Variants in MARCHF6 observed in about 807,000 individuals in gnomAD.
The protein encoded by MARCHF6 is E3 ubiquitin-protein ligase MARCHF6.
Under a neutral mutation model 133.7 loss-of-function variants are expected in MARCHF6, and 31 were observed. The observed-to-expected ratio is 0.23, with a 90% CI of 0.17 to 0.31. MARCHF6 has a LOEUF of 0.31. Ranked by LOEUF, MARCHF6 falls within the 10% of genes least tolerant of loss-of-function variation. MARCHF6 has a pLI of 1.00. For synonymous variants in MARCHF6, 395 were observed against 402.5 expected, an observed-to-expected ratio of 0.98 and a Z score of 0.22; for missense variants, 723 against 1,121.6, an observed-to-expected ratio of 0.64 and a Z score of 5.08.
At chr5:10,423,948 T>A in intron 23 of MARCHF6, 124 bp downstream of exon 23, 1 of 536,452 alleles carries the variant, frequency 1.9e-6, no homozygotes, top group Non-Finnish European at 3.1e-6. Flanking sequence ...TTGATGGGCA[T>A]ATATAACCTT....
Position 10,415,553 on chromosome 5 carries a change from G to A in MARCHF6, c.2032G>A (p.Ala678Thr). The change falls in exon 21 of 26, where the codon GCT becomes ACT. Residue 678 changes from alanine to threonine, a missense_variant. Coordinates refer to ENST00000274140, the MANE Select transcript of MARCHF6 (RefSeq NM_005885.4). ...GTAKIHELYT[A>T]ACGLYVCWLT... Reference sequence around the variant, plus strand: ...TGCCAAAATCCATGAGCTCTACACAGCTGCTTGTGGTCTCTATGTTTGCTG... The same window carrying A: ...TGCCAAAATCCATGAGCTCTACACAACTGCTTGTGGTCTCTATGTTTGCTG... 1.2e-6 allele frequency: 2 copies of A among 1,614,166 alleles called. No homozygotes were observed. Among genetic ancestry groups the A allele is most frequent in the Non-Finnish European group, 1.7e-6 (2 of 1,180,022 alleles).
intron 3 of MARCHF6, among the ~76,000 whole-genome samples, chr5:10,379,107 C>T (rs1736971035): frequency 6.6e-6 from 1 of 151,780 alleles, no homozygotes; most frequent in African/African-American, 2.4e-5. Flanking sequence ...TAATTGTAGA[C>T]AGGTTCGAAC....
At chr5:10,417,236 C>G in intron 21 of MARCHF6, 34 bp from the exon 22 acceptor site, 1 of 1,588,718 alleles carries the variant, frequency 6.3e-7, no homozygotes, top group Non-Finnish European at 8.5e-7. Flanking sequence ...CAGAAAGATC[C>G]TCTTTAATGA....
chr5:10,417,364 G>A lies in MARCHF6; in HGVS notation c.2243G>A (p.Arg748Lys). ...LFELVIVAPL[R>K]VPLDQTPLFY... The stretch of plus-strand genomic sequence containing the variant: ...GAGCTGGTCATTGTGGCTCCCCTGA[G>A]GGTTCCCTTGGATCAGACTCCTCTT... Residue 748 changes from arginine (R) to lysine (K), a missense_variant, in exon 22 of 26, where the codon AGG (arginine) becomes AAG (lysine). Transcript: ENST00000274140. 1.2e-6 allele frequency: 2 copies of A among 1,614,112 alleles called. No homozygotes were observed. The highest frequency in any genetic ancestry group is 1.1e-5 in the South Asian group (1 of 91,070).
chr5:10,414,383 C>T, intron 19 of MARCHF6, 50 bp from the exon 20 acceptor site: 1 of 994,058 alleles, frequency 1.0e-6, no homozygotes, highest in Non-Finnish European at 1.6e-6. Flanking sequence ...TGATAAAATA[C>T]ATTGAGCACG....
intron 1 of MARCHF6, among the ~76,000 whole-genome samples, chr5:10,367,989 G>C (rs1736234691): frequency 6.6e-6 from 1 of 152,160 alleles, no homozygotes; most frequent in Non-Finnish European, 1.5e-5. Flanking sequence ...ACTTTGGCCT[G>C]AGCAAGATTC....
chr5:10,371,171 C>A (rs1736440281), intron 1 of MARCHF6, among the ~76,000 whole-genome samples: 1 of 152,146 alleles, frequency 6.6e-6, no homozygotes, highest in Non-Finnish European at 1.5e-5. Flanking sequence ...TTCAGTGATA[C>A]CCTAGATCTC....
intron 24 of MARCHF6, 93 bp downstream of exon 24, chr5:10,426,615 A>G (rs1294436373): frequency 4.6e-6 from 6 of 1,317,566 alleles, no homozygotes; most frequent in Admixed American, 2.3e-5. Context: ...CTCACTCCAT[A>G]TGCTTTATTT....
chr5:10,355,282 T>C (rs946823985), intron 1 of MARCHF6, among the ~76,000 whole-genome samples: 3 of 152,270 alleles, frequency 2.0e-5, no homozygotes, highest in African/African-American at 4.8e-5. Context: ...TATTTCTTTT[T>C]GACAGGTGGT....
At position 10,387,535 on chromosome 5, in the gene MARCHF6, T is replaced by G. The variant is rs532435872; in HGVS notation, c.407+469T>G. ...TCACTCTGGTCTCGAACTCCTGACCTCAGGTGATCCACCCGCTTCGGGCTC... is the reference window on the plus strand; with the variant it reads ...TCACTCTGGTCTCGAACTCCTGACCGCAGGTGATCCACCCGCTTCGGGCTC... On this transcript the variant is annotated intron_variant, in intron 5 of 25. Transcript: ENST00000274140. 1.3e-3 allele frequency among the ~76,000 whole-genome samples: 196 copies of G among 152,272 alleles called. 1 individual carries two copies. Among genetic ancestry groups the G allele is most frequent in the African/African-American group, 4.5e-3 (186 of 41,542 alleles).
At position 10,437,589 on chromosome 5, in the gene MARCHF6, G is replaced by A. The variant is rs1180090156; in HGVS notation, c.*3905G>A. 6.6e-6 allele frequency: 1 copy of A among 152,128 alleles called. No homozygotes were observed. The highest frequency in any genetic ancestry group is 2.4e-5 in the African/African-American group (1 of 41,416). The allele number at this position is 152,128 out of a possible 1,614,324, so 9.4% of individuals were successfully genotyped here. ...GTATGTTTTCATTCCTGTTTTGTAC[G>A]AGTGCCTCATTTTGTAGTCATGAAA... On this transcript the variant is annotated 3_prime_UTR_variant, in exon 26 of 26. Coordinates refer to ENST00000274140, the MANE Select transcript of MARCHF6 (RefSeq NM_005885.4).
At chr5:10,390,649 T>G in intron 6 of MARCHF6, 149 bp downstream of exon 6, 1 of 777,600 alleles carries the variant, frequency 1.3e-6, no homozygotes, top group South Asian at 2.1e-5. Context: ...TGGGTGAAGA[T>G]GAAGAGAGAT....
At chr5:10,383,080 A>G (rs1737255470) in intron 4 of MARCHF6, among the ~76,000 whole-genome samples, 1 of 152,204 alleles carries the variant, frequency 6.6e-6, no homozygotes, top group Admixed American at 6.5e-5. Flanking sequence ...TATAATTGAT[A>G]TCTTCATGTC....
Position 10,439,828 on chromosome 5 carries a change from A to AT in MARCHF6, c.*6145dup. The AT allele has an allele frequency of 6.6e-6, 1 of 152,520 alleles. No individual in the cohort carries two copies. Among genetic ancestry groups the AT allele is most frequent in the Non-Finnish European group, 1.5e-5 (1 of 68,172 alleles). The allele number at this position is 152,520 out of a possible 1,614,324, so 9.4% of individuals were successfully genotyped here. Reference sequence around the variant, plus strand: ...CCCCTTTTCTCCCTTCTCTGACCCCATCACCTCTGTGTTCACCCTGCTCCT... The same window carrying AT: ...CCCCTTTTCTCCCTTCTCTGACCCCATTCACCTCTGTGTTCACCCTGCTCCT... On this transcript the variant is annotated 3_prime_UTR_variant, in exon 26 of 26. Transcript: ENST00000274140.
At chr5:10,427,597 C>T (rs1037010358) in intron 24 of MARCHF6, among the ~76,000 whole-genome samples, 5 of 152,094 alleles carry the variant, frequency 3.3e-5, no homozygotes, top group African/African-American at 9.7e-5. Context: ...GAAATGACCC[C>T]GTCCTCCCTT....
chr5:10,361,785 C>T (rs1455975951), intron 1 of MARCHF6, among the ~76,000 whole-genome samples: 1 of 150,728 alleles, frequency 6.6e-6, no homozygotes, highest in Non-Finnish European at 1.5e-5. Context: ...TTTTTTGAGA[C>T]GGAGTTTAGC....
intron 1 of MARCHF6, among the ~76,000 whole-genome samples, chr5:10,356,913 G>T (rs1160152075): frequency 6.6e-6 from 1 of 152,110 alleles, no homozygotes; most frequent in African/African-American, 2.4e-5. Context: ...CTAATTGTTT[G>T]CTAGATTTTA....
At chr5:10,354,302 G>T (rs971242257) in intron 1 of MARCHF6, among the ~76,000 whole-genome samples, 13 of 152,252 alleles carry the variant, frequency 8.5e-5, no homozygotes, top group South Asian at 4.1e-4. Context: ...CTTTCTTTAC[G>T]TCCTTCTGCC....
chr5:10,424,113 A>G (rs186961543), intron 23 of MARCHF6, among the ~76,000 whole-genome samples: 9 of 152,336 alleles, frequency 5.9e-5, no homozygotes, highest in Admixed American at 3.9e-4. Context: ...TCATATATAC[A>G]TGGAGATACC....
Sources: allele counts gnomAD v4.1 joint callset (sites outside exome capture counted in the v4.1 genomes callset), GRCh38; gene constraint gnomAD v4.1.1; transcripts MANE v1.5; gene names NCBI Gene and HGNC (gene_info 2026-07-23, HGNC 2026-07-21).